The following CEACAM18 variants were observed in gnomAD, a reference collection of about 807,000 sequenced individuals.
The protein encoded by CEACAM18 is cell adhesion molecule CEACAM18.
In CEACAM18, 33 loss-of-function variants were observed where a neutral mutation model predicts 34.3. The observed-to-expected ratio is 0.96, with a 90% CI of 0.73 to 1.29. CEACAM18 has a LOEUF of 1.29. CEACAM18 is among the 50% of genes most tolerant of loss of function. CEACAM18 has a pLI of 0.00. For synonymous variants in CEACAM18, 169 were observed against 180.9 expected, an observed-to-expected ratio of 0.93 and a Z score of 0.53; for missense variants, 474 against 485.0, an observed-to-expected ratio of 0.98 and a Z score of 0.21.
chr19:51,487,593 C>T (rs1455753026), intron 5 of CEACAM18, among the ~76,000 whole-genome samples: 2 of 152,100 alleles, frequency 1.3e-5, no homozygotes, highest in African/African-American at 4.8e-5. Flanking sequence ...AGTGAAATCC[C>T]GTCTCTACTA....
intron 1 of CEACAM18, among the ~76,000 whole-genome samples, chr19:51,479,505 C>T (rs1427868320): frequency 6.6e-6 from 1 of 152,186 alleles, no homozygotes; most frequent in Non-Finnish European, 1.5e-5. Context: ...GGCAGTCCTG[C>T]CCTCCTGGAG....
In CEACAM18 at chr19:51,478,910, AC is replaced by A. The variant is rs200245870; in HGVS notation, c.52+217del. Reference sequence around the variant, plus strand: ...ACTTTGCCCCTAGACACACCCCTGCACAGACCCACACATGTGGTGTTACACA... The same window carrying A: ...ACTTTGCCCCTAGACACACCCCTGCAAGACCCACACATGTGGTGTTACACA... On this transcript the variant is annotated intron_variant, in intron 1 of 5. Transcript: ENST00000396477. 3.9e-3 allele frequency among the ~76,000 whole-genome samples: 597 copies of A among 151,944 alleles called. 3 individuals are homozygous for A. Among genetic ancestry groups the A allele is most frequent in the African/African-American group, 0.013 (550 of 41,444 alleles).
At chr19:51,481,740 C>G in intron 3 of CEACAM18, 75 bp downstream of exon 3, 1 of 1,471,544 alleles carries the variant, frequency 6.8e-7, no homozygotes, top group Non-Finnish European at 9.1e-7. Context: ...TATGTTAGGA[C>G]AGGCTGAGCT....
intron 3 of CEACAM18, 54 bp from the exon 4 acceptor site, chr19:51,482,963 C>T (rs536645000): frequency 2.1e-5 from 34 of 1,583,860 alleles, no homozygotes; most frequent in Middle Eastern, 2.0e-4. Context: ...CTTCATGAGA[C>T]GGGACGCCGA....
At chr19:51,479,886 G>GT (rs1989878847) in intron 1 of CEACAM18, among the ~76,000 whole-genome samples, 1 of 152,162 alleles carries the variant, frequency 6.6e-6, no homozygotes, top group African/African-American at 2.4e-5. Flanking sequence ...GCATAGTGGG[G>GT]ACAGGATGGG....
intron 4 of CEACAM18, 29 bp downstream of exon 4, chr19:51,483,325 T>C: frequency 1.2e-6 from 2 of 1,612,882 alleles, no homozygotes; most frequent in Non-Finnish European, 1.7e-6. Context: ...AGGCTCATGC[T>C]TTGCACATCT....
chr19:51,488,065 G>T (rs1990034218), intron 5 of CEACAM18, among the ~76,000 whole-genome samples: 1 of 152,114 alleles, frequency 6.6e-6, no homozygotes, highest in African/African-American at 2.4e-5. Context: ...AGAAAAAGTA[G>T]AAAGAGACAA....
chr19:51,479,545 T>A (rs1203805820), intron 1 of CEACAM18, among the ~76,000 whole-genome samples: 1 of 152,120 alleles, frequency 6.6e-6, no homozygotes, highest in Non-Finnish European at 1.5e-5. Flanking sequence ...TATAGATATG[T>A]GCCCAGACTC....
chr19:51,479,272 T>G (rs1267553538), intron 1 of CEACAM18, among the ~76,000 whole-genome samples: 1 of 152,234 alleles, frequency 6.6e-6, no homozygotes, highest in Non-Finnish European at 1.5e-5. Flanking sequence ...CTCCTCCACA[T>G]AGCCCAGGCT....
chr19:51,480,332 G>A lies in CEACAM18; in HGVS notation c.53-1G>A. The A allele has an allele frequency of 6.3e-7, 1 of 1,596,886 alleles. No individual in the cohort carries two copies. Among genetic ancestry groups the A allele is most frequent in the Non-Finnish European group, 8.6e-7 (1 of 1,169,364 alleles). On this transcript the variant is annotated splice_acceptor_variant, in intron 1 of 5. Coordinates refer to ENST00000396477, the Ensembl canonical transcript of CEACAM18. LOFTEE classifies it high-confidence loss of function. ...CTGTCTTTTTTCCTTGTCTTCTTCA[G>A]CCAGTCTGCTGGCCTGTGGGATCTG...
At position 51,482,525 on chromosome 19, in the gene CEACAM18, A is replaced by G. The variant is rs142638070; in HGVS notation, c.674-492A>G. ...GCTGTTTACAGGTCAGAGGCTTGGA[A>G]CCAAGACCCAGGATCCAGAGGCTGC... is the stretch of plus-strand genomic sequence containing the variant. On this transcript the variant is annotated intron_variant, in intron 3 of 5. Transcript: ENST00000396477. 3.3e-3 allele frequency among the ~76,000 whole-genome samples: 500 copies of G among 152,240 alleles called. 6 individuals are homozygous for G. The highest frequency in any genetic ancestry group is 0.033 in the East Asian group (169 of 5,178).
intron 1 of CEACAM18, among the ~76,000 whole-genome samples, chr19:51,479,675 T>C (rs755313197): frequency 3.2e-4 from 48 of 151,782 alleles, no homozygotes; most frequent in Non-Finnish European, 5.4e-4. Context: ...ACCTGAGTGA[T>C]GAATAGAAGT....
intron 4 of CEACAM18, 180 bp downstream of exon 4, chr19:51,483,476 T>C (rs1989952421): frequency 4.3e-6 from 3 of 700,758 alleles, no homozygotes; most frequent in African/African-American, 3.6e-5. Context: ...GTGAATCCTC[T>C]GGAGTCCTCA....
chr19:51,478,931 T>TACACAC (rs150760635), intron 1 of CEACAM18, among the ~76,000 whole-genome samples: 26,669 of 147,872 alleles, frequency 0.18, 2,474 homozygotes, highest in Middle Eastern at 0.36. Flanking sequence ...CATGTGGTGT[T>TACACAC]ACACACACAC....
At chr19:51,485,196 G>A (rs536024042) in intron 5 of CEACAM18, 74 bp downstream of exon 5, 3 of 1,396,058 alleles carry the variant, frequency 2.1e-6, no homozygotes, top group Non-Finnish European at 2.8e-6. Context: ...CCTCCCTCCA[G>A]AGGGGAAGCA....
At chr19:51,481,312 C>T (rs879075125) in intron 2 of CEACAM18, 81 bp from the exon 3 acceptor site, 3 of 1,461,324 alleles carry the variant, frequency 2.1e-6, no homozygotes, top group Non-Finnish European at 2.8e-6. Flanking sequence ...CTCCAACATG[C>T]CCAGAAGTCC....
chr19:51,480,675 T>G (rs1599942144), exon 2 of CEACAM18: 9 of 1,610,284 alleles, frequency 5.6e-6, no homozygotes, highest in Non-Finnish European at 6.8e-6. Context: ...TGGCTGGAGG[T>G]TCTAGGTGGG....
At chr19:51,483,529 C>T (rs544808526) in intron 4 of CEACAM18, among the ~76,000 whole-genome samples, 6 of 152,350 alleles carry the variant, frequency 3.9e-5, no homozygotes, top group African/African-American at 9.6e-5. Flanking sequence ...GAGTAGCAGA[C>T]ATTGGCTGAG....
At chr19:51,479,160 C>T (rs1989864405) in intron 1 of CEACAM18, among the ~76,000 whole-genome samples, 2 of 152,084 alleles carry the variant, frequency 1.3e-5, no homozygotes, top group South Asian at 4.2e-4. Context: ...CTTCTGTGCC[C>T]CCTACAAGCA....
Sources: gnomAD v4.1 joint callset for allele counts (sites outside exome capture counted in the v4.1 genomes callset) on GRCh38, gnomAD v4.1.1 for gene constraint, MANE v1.5 for transcripts, NCBI Gene and HGNC (gene_info 2026-07-23, HGNC 2026-07-21) for gene names.